The following NDUFAF6 variants were observed in gnomAD, a reference collection of about 807,000 sequenced individuals.
The protein encoded by NDUFAF6 is NADH dehydrogenase (ubiquinone) complex I, assembly factor 6.
Under a neutral mutation model 40.8 loss-of-function variants are expected in NDUFAF6, and 45 were observed. That is an observed-to-expected ratio of 1.10 (90% CI 0.87 to 1.42). The LOEUF is 1.42. NDUFAF6 is among the 40% of genes most tolerant of loss of function. The pLI is 0.00. For missense variants in NDUFAF6, 435 were observed against 418.5 expected, an observed-to-expected ratio of 1.04 and a Z score of -0.34; for synonymous variants, 185 against 155.9, an observed-to-expected ratio of 1.19 and a Z score of -1.39.
intron 1 of NDUFAF6, among the ~76,000 whole-genome samples, chr8:94,918,050 A>G (rs957978867): frequency 2.0e-5 from 3 of 152,132 alleles, no homozygotes; most frequent in African/African-American, 7.2e-5. Context: ...TAGTTCCAAG[A>G]CTTTCTAACT....
At chr8:95,065,479 C>G (rs1587219638) in intron 9 of NDUFAF6, among the ~76,000 whole-genome samples, 1 of 152,212 alleles carries the variant, frequency 6.6e-6, no homozygotes, top group Non-Finnish European at 1.5e-5. Flanking sequence ...TAAGTACATT[C>G]TACATATTGT....
chr8:95,063,870 T>G (rs1832631561), intron 9 of NDUFAF6, among the ~76,000 whole-genome samples: 1 of 151,292 alleles, frequency 6.6e-6, no homozygotes, highest in Admixed American at 6.6e-5. Flanking sequence ...ATTTGTTTCT[T>G]GCTGCAGTTT....
At position 94,959,882 on chromosome 8, in the gene NDUFAF6, A is replaced by G. The variant is rs192934620; in HGVS notation, c.-199+1703A>G. Among the ~76,000 whole-genome samples the G allele has an allele frequency of 5.8e-3, 890 of 152,144 alleles. 7 individuals carry two copies. The highest frequency in any genetic ancestry group is 0.013 in the Admixed American group (199 of 15,288). The stretch of plus-strand genomic sequence containing the variant: ...CTGACCTTGGCTTTGGGTCCCCCCC[A>G]GTTTCGGATGTTTACATTTCATCAG... On this transcript the variant is annotated intron_variant, in intron 1 of 9. Transcript: ENST00000396111.
intron 1 of NDUFAF6, chr8:94,939,753 T>C: frequency 6.8e-7 from 1 of 1,470,300 alleles, no homozygotes. Context: ...CATAAATCTC[T>C]AACAAAATTA....
At chr8:94,960,265 A>G (rs1045788048) in intron 1 of NDUFAF6, among the ~76,000 whole-genome samples, 3 of 152,164 alleles carry the variant, frequency 2.0e-5, no homozygotes, top group Non-Finnish European at 4.4e-5. Flanking sequence ...AGCTGCCAAC[A>G]TTTCCTTCTT....
upstream of NDUFAF6, among the ~76,000 whole-genome samples, chr8:95,023,511 C>T (rs1188931593): frequency 6.6e-6 from 1 of 152,096 alleles, no homozygotes; most frequent in Non-Finnish European, 1.5e-5. Flanking sequence ...ACAGTAAATG[C>T]TGTCAAGTAG....
intron 2 of NDUFAF6, among the ~76,000 whole-genome samples, chr8:95,090,568 C>T (rs1946942): frequency 0.26 from 38,956 of 151,982 alleles, 6,291 homozygotes; most frequent in African/African-American, 0.46. Context: ...ATGGTTCGCC[C>T]ATTTCCTGTC....
At chr8:94,901,814 G>A (rs1818037106) in intron 1 of NDUFAF6, among the ~76,000 whole-genome samples, 1 of 152,080 alleles carries the variant, frequency 6.6e-6, no homozygotes, top group South Asian at 2.1e-4. Context: ...CCAACTCCTG[G>A]CCTCAAGTGA....
intron 9 of NDUFAF6, among the ~76,000 whole-genome samples, chr8:95,064,038 ATTTTTTTTTTTTT>A (rs1160777112): frequency 1.9e-5 from 2 of 104,808 alleles, no homozygotes; most frequent in East Asian, 2.6e-4. Context: ...CGCCTGGCTA[ATTTTTTTTTTTTT>A]TTTTTTTTTT....
chr8:94,981,927 C>CAA (rs35674623), intron 2 of NDUFAF6, among the ~76,000 whole-genome samples: 1,131 of 93,498 alleles, frequency 0.012, 10 homozygotes, highest in African/African-American at 0.042. Context: ...GACCCTGTCT[C>CAA]AAAAAAAAAA....
At chr8:94,998,941 T>G (rs1217443580) in intron 2 of NDUFAF6, among the ~76,000 whole-genome samples, 1 of 152,154 alleles carries the variant, frequency 6.6e-6, no homozygotes, top group Non-Finnish European at 1.5e-5. Context: ...TGTGTGTGTG[T>G]GTGTATGAAA....
At chr8:95,059,959 G>T (rs186094534), downstream of NDUFAF6, among the ~76,000 whole-genome samples, 236 of 138,128 alleles carry the variant, frequency 1.7e-3, no homozygotes, top group Admixed American at 3.9e-3. Flanking sequence ...AGGGAGCATT[G>T]TCTGCAGGTC....
intron 2 of NDUFAF6, among the ~76,000 whole-genome samples, chr8:94,999,082 T>G (rs1380884975): frequency 6.6e-6 from 1 of 152,020 alleles, no homozygotes; most frequent in East Asian, 1.9e-4. Context: ...ATTTAATATT[T>G]ATTAAATGTA....
intron 2 of NDUFAF6, among the ~76,000 whole-genome samples, chr8:95,014,007 C>G (rs1051540029): frequency 1.3e-5 from 2 of 152,062 alleles, no homozygotes; most frequent in African/African-American, 4.8e-5. Context: ...TTCTATGAGC[C>G]AAGGAACACT....
At chr8:95,050,786 T>A (rs1040105410) in intron 7 of NDUFAF6, among the ~76,000 whole-genome samples, 1 of 152,170 alleles carries the variant, frequency 6.6e-6, no homozygotes, top group South Asian at 2.1e-4. Context: ...GATGTTTATG[T>A]GTATATACAT....
upstream of NDUFAF6, among the ~76,000 whole-genome samples, chr8:95,100,109 C>A (rs1275330027): frequency 6.6e-6 from 1 of 152,080 alleles, no homozygotes; most frequent in African/African-American, 2.4e-5. Flanking sequence ...CAATCCAGGG[C>A]TCTCCCTACC....
intron 6 of NDUFAF6, among the ~76,000 whole-genome samples, chr8:95,047,761 G>C (rs564211359): frequency 3.3e-4 from 50 of 151,834 alleles, no homozygotes; most frequent in African/African-American, 1.1e-3. Context: ...CGCTTGCCTC[G>C]GCCTCCCAAA....
chr8:95,085,628 A>T lies in NDUFAF6; in HGVS notation n.213+9876A>T, dbSNP rs1174073306. On this transcript the variant is annotated intron_variant and non_coding_transcript_variant, in intron 2 of 5. Transcript: ENST00000523184. ...GCTGTGCTCGTGCCTGTGAATAGCCACTGCACTCCAGCCTGGGCAATATGG... is the reference window on the plus strand; with the variant it reads ...GCTGTGCTCGTGCCTGTGAATAGCCTCTGCACTCCAGCCTGGGCAATATGG... 2.0e-5 allele frequency: 3 copies of T among 150,574 alleles called. No homozygotes were observed. In the East Asian group the frequency reaches 5.9e-4, roughly 29 times the overall value. The allele number at this position is 150,574 out of a possible 1,614,324, so 9.3% of individuals were successfully genotyped here. A position where few individuals can be genotyped will look rare whatever the true frequency, so the allele number is the denominator to read the frequency against.
chr8:95,074,297 A>T (rs1489493896), intron 9 of NDUFAF6, among the ~76,000 whole-genome samples: 1 of 152,142 alleles, frequency 6.6e-6, no homozygotes, highest in Non-Finnish European at 1.5e-5. Flanking sequence ...CCCTGAAAAT[A>T]TGTTAATTAT....
Sources: allele counts gnomAD v4.1 joint callset (sites outside exome capture counted in the v4.1 genomes callset), GRCh38; gene constraint gnomAD v4.1.1; transcripts MANE v1.5; gene names NCBI Gene and HGNC (gene_info 2026-07-23, HGNC 2026-07-21).